TTC7B: variants seen among roughly 807,000 people sequenced by gnomAD.
TTC7B encodes the protein tetratricopeptide repeat protein 7B.
A neutral mutation model predicts 106.8 loss-of-function variants in TTC7B; 28 were observed. The observed-to-expected ratio is 0.26, with a 90% CI of 0.19 to 0.36. TTC7B has a LOEUF of 0.36. Among genes scored for constraint, TTC7B ranks in the 10% least tolerant of loss-of-function variants. TTC7B has a pLI of 1.00. For missense variants in TTC7B, 862 were observed against 1,076.4 expected (o/e 0.80, Z 2.79); for synonymous variants, 405 against 430.6 (o/e 0.94, Z 0.74).
At chr14:90,573,178 T>C (rs1389326594) in intron 19 of TTC7B, among the ~76,000 whole-genome samples, 2 of 152,180 alleles carry the variant, frequency 1.3e-5, no homozygotes, top group Non-Finnish European at 2.9e-5. Flanking sequence ...GCTTTTAATC[T>C]AGATTTCGTC....
intron 18 of TTC7B, chr14:90,585,473 TC>T (rs1891674226): frequency 6.6e-6 from 1 of 152,408 alleles, no homozygotes; most frequent in African/African-American, 2.4e-5. Flanking sequence ...TGTCCTCTGT[TC>T]CATCCACTCT....
chr14:90,777,352 C>A (rs891909861), intron 3 of TTC7B, among the ~76,000 whole-genome samples: 1 of 152,164 alleles, frequency 6.6e-6, no homozygotes, highest in Non-Finnish European at 1.5e-5. Flanking sequence ...TTCTGCATAA[C>A]CTCACCTCCT....
Position 90,531,357 on chromosome 14 carries a change from A to G in TTC7B, c.*10011T>C, listed in dbSNP as rs1253495986. 6.6e-6 allele frequency: 1 copy of G among 152,126 alleles called. No homozygotes were observed. The highest frequency in any genetic ancestry group is 1.5e-5 in the Non-Finnish European group (1 of 68,032). 9.4% of individuals were successfully genotyped at this position (152,126 alleles called of 1,614,324 possible). A position where few individuals can be genotyped will look rare whatever the true frequency, so the allele number is the denominator to read the frequency against. On this transcript the variant is annotated 3_prime_UTR_variant, in exon 20 of 20. Coordinates refer to ENST00000328459, the MANE Select transcript of TTC7B (RefSeq NM_001010854.2). ...AGGCTGAGGCGGGCAGATCACCTGA[A>G]GCAGGAGTTCGAGACCAGCCTGACC... is the stretch of plus-strand genomic sequence containing the variant.
intron 1 of TTC7B, among the ~76,000 whole-genome samples, chr14:90,789,813 G>A (rs539937105): frequency 1.3e-5 from 2 of 151,694 alleles, no homozygotes; most frequent in East Asian, 1.9e-4. Flanking sequence ...GGAGAATGGC[G>A]TGAACCTGGG....
intron 16 of TTC7B, among the ~76,000 whole-genome samples, chr14:90,615,472 T>C (rs1476381084): frequency 6.6e-6 from 1 of 152,230 alleles, no homozygotes; most frequent in Non-Finnish European, 1.5e-5. Context: ...TCTGCCAAAA[T>C]GCTTTCTGCT....
chr14:90,671,616 T>C (rs1050664998), intron 9 of TTC7B, among the ~76,000 whole-genome samples: 2 of 152,216 alleles, frequency 1.3e-5, no homozygotes, highest in African/African-American at 4.8e-5. Flanking sequence ...AAAAGAAGTG[T>C]TCCTTCCTAC....
chr14:90,654,932 G>T, intron 12 of TTC7B, 61 bp downstream of exon 12: 1 of 1,315,680 alleles, frequency 7.6e-7, no homozygotes, highest in Non-Finnish European at 1.1e-6. Flanking sequence ...GAATCCCGCA[G>T]GGTAGACTTA....
At chr14:90,764,681 T>C (rs149388891) in intron 3 of TTC7B, among the ~76,000 whole-genome samples, 46 of 152,248 alleles carry the variant, frequency 3.0e-4, no homozygotes, top group African/African-American at 1.1e-3. Context: ...AAAGAAGATA[T>C]ACAAATGGCC....
chr14:90,546,502 C>T lies in TTC7B; in HGVS notation c.2311-4913G>A, dbSNP rs533975566. ...TTTCTGCAGGACGCAGCCCCAGCCC[C>T]CTCCTGCCTCCCAGCTGCTGTCGGT... is the stretch of plus-strand genomic sequence containing the variant. On this transcript the variant is annotated intron_variant, in intron 19 of 19. Coordinates refer to ENST00000328459, the MANE Select transcript of TTC7B (RefSeq NM_001010854.2). Among the ~76,000 whole-genome samples, 266 of 152,356 alleles carry T rather than the reference C, an allele frequency of 1.7e-3. 6 individuals are homozygous for T. Among genetic ancestry groups the T allele is most frequent in the Admixed American group, 1.2e-3 (19 of 15,308 alleles).
intron 19 of TTC7B, among the ~76,000 whole-genome samples, chr14:90,547,628 G>A (rs1452580375): frequency 1.3e-5 from 2 of 152,080 alleles, no homozygotes; most frequent in African/African-American, 2.4e-5. Context: ...AAACTCCGTC[G>A]CCACTAAAAA....
chr14:90,579,213 C>G (rs1009246105), intron 18 of TTC7B, among the ~76,000 whole-genome samples: 23 of 152,192 alleles, frequency 1.5e-4, no homozygotes, highest in African/African-American at 3.1e-4. Context: ...TCAGGGACAT[C>G]TGAATCACCC....
At position 90,570,964 on chromosome 14, in the gene TTC7B, G is replaced by A. The variant is rs1032187361; in HGVS notation, c.2310+7142C>T. Among the ~76,000 whole-genome samples the A allele has an allele frequency of 5.9e-5, 9 of 152,160 alleles. No individual in the cohort carries two copies. Among genetic ancestry groups the A allele is most frequent in the South Asian group, 4.1e-4 (2 of 4,822 alleles). ...CAGCTGGCGCCAGCACCGTGCTCCCGATCTTTCCACCGCCTGTCACTGAAG... is the reference window on the plus strand; with the variant it reads ...CAGCTGGCGCCAGCACCGTGCTCCCAATCTTTCCACCGCCTGTCACTGAAG... On this transcript the variant is annotated intron_variant, in intron 19 of 19. Coordinates refer to ENST00000328459, the MANE Select transcript of TTC7B (RefSeq NM_001010854.2). The surrounding 1 kb of genome is among the most constrained non-coding windows in gnomAD (Gnocchi z 4.0).
At chr14:90,773,167 C>T (rs536200891) in intron 3 of TTC7B, among the ~76,000 whole-genome samples, 1 of 152,280 alleles carries the variant, frequency 6.6e-6, no homozygotes, top group East Asian at 1.9e-4. Context: ...TATTCAAATC[C>T]CCTTCCACTG....
intron 17 of TTC7B, among the ~76,000 whole-genome samples, chr14:90,597,052 C>T (rs567271867): frequency 2.0e-4 from 30 of 152,150 alleles, no homozygotes; most frequent in Admixed American, 8.5e-4. Context: ...TAAACATGGA[C>T]GTTTCCCCTA....
rs1887378215 is a variant in TTC7B at position 90,689,445 on chromosome 14, G to GA, written c.950+94dup. On this transcript the variant is annotated intron_variant, in intron 7 of 19. Coordinates refer to ENST00000328459, the MANE Select transcript of TTC7B (RefSeq NM_001010854.2). The stretch of plus-strand genomic sequence containing the variant: ...CTTGTTCATTTGATTTTCTTTTAAG[G>GA]AAAAAATCTACTCTTGTACTTCTCA... 13 of 1,122,842 alleles carry GA rather than the reference G, an allele frequency of 1.2e-5. No individual in the cohort carries two copies. In the East Asian group the frequency reaches 1.7e-4, roughly 15 times the overall value. The allele number at this position is 1,122,842 out of a possible 1,614,324, so 69.6% of individuals were successfully genotyped here.
intron 18 of TTC7B, among the ~76,000 whole-genome samples, chr14:90,591,528 T>G (rs756423519): frequency 2.6e-5 from 4 of 152,244 alleles, no homozygotes; most frequent in Non-Finnish European, 5.9e-5. Context: ...TGGAATATGT[T>G]GACTTTCAGG....
At chr14:90,804,528 G>A (rs986388992) in intron 1 of TTC7B, among the ~76,000 whole-genome samples, 1 of 152,172 alleles carries the variant, frequency 6.6e-6, no homozygotes, top group Non-Finnish European at 1.5e-5. Context: ...TTTCCCAGGT[G>A]TGATTCCAGG....
chr14:90,525,845 G>C lies in TTC7B; in HGVS notation c.*15523C>G, dbSNP rs1259342545. ...ACTGTTAGGCTAAGCAGAGACTTTG[G>C]AACCCCGGTTCTAAAGCTCTCAGAG... On this transcript the variant is annotated 3_prime_UTR_variant, in exon 20 of 20. Transcript: ENST00000328459. 6.8e-6 allele frequency: 1 copy of C among 146,740 alleles called. No individual in the cohort carries two copies. The highest frequency in any genetic ancestry group is 1.5e-5 in the Non-Finnish European group (1 of 66,750). 9.1% of individuals were successfully genotyped at this position (146,740 alleles called of 1,614,324 possible).
chr14:90,804,207 G>A (rs962742675), intron 1 of TTC7B, among the ~76,000 whole-genome samples: 67 of 152,072 alleles, frequency 4.4e-4, no homozygotes, highest in Admixed American at 1.2e-3. Flanking sequence ...TGGTGGGGGC[G>A]CCTGTAGTCC....
Sources: allele counts gnomAD v4.1 joint callset (sites outside exome capture counted in the v4.1 genomes callset), GRCh38; gene constraint gnomAD v4.1.1; non-coding constraint Gnocchi (gnomAD v3.1); transcripts MANE v1.5; gene names NCBI Gene and HGNC (gene_info 2026-07-23, HGNC 2026-07-21).